Variants in OVGP1 observed in about 807,000 individuals in gnomAD.
The protein encoded by OVGP1 is oviduct-specific glycoprotein.
A neutral mutation model predicts 48.2 loss-of-function variants in OVGP1; 26 were observed. The observed-to-expected ratio is 0.54, with a 90% CI of 0.40 to 0.75. The LOEUF (loss-of-function observed/expected upper bound fraction) is 0.75. Ranked by LOEUF, OVGP1 falls within the 30% of genes least tolerant of loss-of-function variation. The pLI is 0.00. For missense variants in OVGP1, 791 were observed against 820.6 expected, an observed-to-expected ratio of 0.96 and a Z score of 0.44; for synonymous variants, 294 against 305.7, an observed-to-expected ratio of 0.96 and a Z score of 0.40.
intron 8 of OVGP1, among the ~76,000 whole-genome samples, chr1:111,420,541 CCT>C (rs1317603180): frequency 6.6e-6 from 1 of 152,230 alleles, no homozygotes; most frequent in Non-Finnish European, 1.5e-5. Context: ...CCTGGGAAGT[CCT>C]TCCCGTCTAG....
chr1:111,425,653 C>T, intron 3 of OVGP1: 1 of 858,706 alleles, frequency 1.2e-6, no homozygotes, highest in Non-Finnish European at 1.7e-6. Flanking sequence ...AGGGCCATCA[C>T]AGCCCAACAA....
At chr1:111,422,023 G>A (rs17027642) in intron 6 of OVGP1, among the ~76,000 whole-genome samples, 6,821 of 152,224 alleles carry the variant, frequency 0.045, 262 homozygotes, top group East Asian at 0.18. Context: ...ACAATTCCAG[G>A]AGCCATTGAA....
intron 3 of OVGP1, among the ~76,000 whole-genome samples, chr1:111,426,051 C>A (rs1232396349): frequency 1.3e-5 from 2 of 152,204 alleles, no homozygotes; most frequent in Non-Finnish European, 2.9e-5. Context: ...ACTGCCCCTT[C>A]CCTGGAGTAG....
At chr1:111,422,498 A>T (rs925550256) in intron 6 of OVGP1, among the ~76,000 whole-genome samples, 2 of 152,214 alleles carry the variant, frequency 1.3e-5, no homozygotes, top group Admixed American at 1.3e-4. Context: ...ACTGCTCTGA[A>T]TACTGGATGT....
At position 111,415,207 on chromosome 1, in the gene OVGP1, C is replaced by A; in HGVS notation, c.1294G>T (p.Val432Phe). The A allele has an allele frequency of 2.5e-6, 4 of 1,614,194 alleles. No homozygotes were observed. The highest frequency in any genetic ancestry group is 2.5e-6 in the Non-Finnish European group (3 of 1,180,026). ...TCACACTTTCCGTGGATCTCAGTGA[C>A]CCCAGCCTCTCCTCCTGGGGGCAAA... ...KILPPGGEAGVTEIHGKCENM... is the reference protein window; with the variant it reads ...KILPPGGEAGFTEIHGKCENM... Residue 432 changes from valine to phenylalanine, a missense_variant, in exon 11 of 11, where the codon GTC becomes TTC. Val to Phe is a conservative substitution (Grantham distance 50, BLOSUM62 -1). Transcript: ENST00000369732.
At chr1:111,425,498 G>A (rs990389772) in intron 3 of OVGP1, 59 bp from the exon 4 acceptor site, 1 of 1,610,316 alleles carries the variant, frequency 6.2e-7, no homozygotes, top group Non-Finnish European at 8.5e-7. Context: ...GGCAGCTGCT[G>A]CCACATTCTT....
chr1:111,425,604 CA>C, intron 3 of OVGP1, 165 bp from the exon 4 acceptor site: 3 of 1,283,260 alleles, frequency 2.3e-6, no homozygotes, highest in Non-Finnish European at 3.2e-6. Context: ...ATGATGAGCA[CA>C]GGAGAGAGGA....
At chr1:111,421,813 G>A in intron 6 of OVGP1, 140 bp from the exon 7 acceptor site, 2 of 620,908 alleles carry the variant, frequency 3.2e-6, no homozygotes, top group Non-Finnish European at 5.7e-6. Context: ...GGCCTGCCCA[G>A]GCTGTGCTAT....
At chr1:111,427,569 T>G in intron 1 of OVGP1, 128 bp downstream of exon 1, 1 of 1,197,922 alleles carries the variant, frequency 8.3e-7, no homozygotes, top group East Asian at 2.4e-5. Context: ...CTATGGCCCA[T>G]CCCATCTCTA....
intron 4 of OVGP1, 88 bp downstream of exon 4, chr1:111,425,295 A>G (rs1426424361): frequency 2.6e-5 from 39 of 1,506,732 alleles, no homozygotes; most frequent in Admixed American, 9.1e-5. Context: ...TGCTGTCCGC[A>G]TGGCCAAGCT....
At chr1:111,420,952 T>C (rs1355370791) in intron 8 of OVGP1, among the ~76,000 whole-genome samples, 1 of 152,226 alleles carries the variant, frequency 6.6e-6, no homozygotes, top group East Asian at 1.9e-4. Flanking sequence ...TTTGAAATTA[T>C]ATATATTGCA....
Position 111,416,322 on chromosome 1 carries a change from C to A in OVGP1, c.1156+1G>T. On this transcript the variant is annotated splice_donor_variant, in intron 10 of 10. Coordinates refer to ENST00000369732, the MANE Select transcript of OVGP1 (RefSeq NM_002557.4). LOFTEE classifies it high-confidence loss of function. The stretch of plus-strand genomic sequence containing the variant: ...CCAGCTTCTAGGTCACAGCTACTTA[C>A]CAGCCCGCACCAGGATATCATTCAA... The A allele has an allele frequency of 6.3e-7, 1 of 1,577,760 alleles. No individual in the cohort carries two copies. Among genetic ancestry groups the A allele is most frequent in the East Asian group, 2.3e-5 (1 of 43,360 alleles).
At chr1:111,427,211 A>G in intron 1 of OVGP1, 120 bp from the exon 2 acceptor site, 1 of 1,553,788 alleles carries the variant, frequency 6.4e-7, no homozygotes, top group Non-Finnish European at 8.7e-7. Context: ...GCAGATGCAG[A>G]CACACAAATG....
chr1:111,426,401 C>G (rs745534637), intron 3 of OVGP1, 36 bp downstream of exon 3: 1 of 1,613,316 alleles, frequency 6.2e-7, no homozygotes, highest in Non-Finnish European at 8.5e-7. Flanking sequence ...CCTGTGAAAT[C>G]TGAAAATACA....
intron 3 of OVGP1, 104 bp from the exon 4 acceptor site, chr1:111,425,543 A>G (rs1334428024): frequency 6.4e-7 from 1 of 1,562,718 alleles, no homozygotes; most frequent in Non-Finnish European, 8.7e-7. Flanking sequence ...AGGAAACAGG[A>G]GAGATGGGAG....
Position 111,425,372 on chromosome 1 carries a change from C to T in OVGP1, c.317+11G>A, listed in dbSNP as rs1283062045. ...CCTCCCAGGGAGAAGAGAATAACAGCAAAGTCTCACCTTGAGGTGCCAAAG... is the reference window on the plus strand; with the variant it reads ...CCTCCCAGGGAGAAGAGAATAACAGTAAAGTCTCACCTTGAGGTGCCAAAG... On this transcript the variant is annotated intron_variant, in intron 4 of 10. Coordinates refer to ENST00000369732, the MANE Select transcript of OVGP1 (RefSeq NM_002557.4). The T allele has an allele frequency of 6.2e-7, 1 of 1,613,420 alleles. No individual in the cohort carries two copies. Among genetic ancestry groups the T allele is most frequent in the African/African-American group, 1.3e-5 (1 of 74,890 alleles).
At chr1:111,417,769 T>G (rs1652170023) in intron 9 of OVGP1, among the ~76,000 whole-genome samples, 1 of 152,156 alleles carries the variant, frequency 6.6e-6, no homozygotes, top group Non-Finnish European at 1.5e-5. Context: ...AGTTTCCATG[T>G]CCCAAGGACA....
At position 111,421,427 on chromosome 1, in the gene OVGP1, G is replaced by A. The variant is rs1057149621; in HGVS notation, c.752C>T (p.Ala251Val). Residue 251 changes from alanine to valine, a missense_variant, in exon 8 of 11, where the codon GCA (alanine) becomes GTA (valine). Ala to Val is a moderately conservative substitution (Grantham distance 64, BLOSUM62 0). Transcript: ENST00000369732. ...CCCCATGATGAGCTTCTCTGAGGGT[G>A]CCCCAAGCTTTCTCCAATAATTCAT... ...YAMNYWRKLG[A>V]PSEKLIMGIP... 3 of 1,612,140 alleles carry A rather than the reference G, an allele frequency of 1.9e-6. No homozygotes were observed. The highest frequency in any genetic ancestry group is 3.4e-5 in the Admixed American group (2 of 59,626).
chr1:111,414,975 A>G lies in OVGP1; in HGVS notation c.1526T>C (p.Leu509Pro), dbSNP rs139897101. 16 of 1,561,072 alleles carry G rather than the reference A, an allele frequency of 1.0e-5. No homozygotes were observed. In the African/African-American group the frequency reaches 1.6e-4, roughly 16 times the overall value. The part of the protein sequence containing the change: ...HQSVTTGQKT[L>P]TSVGYQSVTP... ...CACAGACTGATAACCCACAGAGGTC[A>G]GGGTCTTCTGTCCAGTGGTCACAGA... is the stretch of plus-strand genomic sequence containing the variant. Residue 509 changes from leucine (L) to proline (P), a missense_variant, in exon 11 of 11, where the codon CTG becomes CCG. Leu to Pro is a moderately conservative substitution (Grantham distance 98). Coordinates refer to ENST00000369732, the MANE Select transcript of OVGP1 (RefSeq NM_002557.4).
Sources: gnomAD v4.1 joint callset for allele counts (sites outside exome capture counted in the v4.1 genomes callset) on GRCh38, gnomAD v4.1.1 for gene constraint, MANE v1.5 for transcripts, NCBI Gene and HGNC (gene_info 2026-07-23, HGNC 2026-07-21) for gene names.